RBFOX1: variants seen among roughly 807,000 people sequenced by gnomAD.
RBFOX1 encodes RNA binding fox-1 homolog 1.
RBFOX1 carries 8 observed loss-of-function variants against 57.7 expected under a neutral mutation model. The ratio of observed to expected loss-of-function variants is 0.14; its 90% CI spans 0.08 to 0.25. The LOEUF is 0.25. RBFOX1 is among the 10% of genes least tolerant of loss of function. The probability of loss-of-function intolerance (pLI) is 1.00; values close to 1 mark genes in which losing one functional copy is unlikely to be tolerated. For missense variants in RBFOX1, 611 were observed against 548.5 expected, an observed-to-expected ratio of 1.11 and a Z score of -1.14; for synonymous variants, 326 against 222.4, an observed-to-expected ratio of 1.47 and a Z score of -4.15.
intron 3 of RBFOX1, among the ~76,000 whole-genome samples, chr16:6,895,720 T>C (rs1405865369): frequency 6.6e-6 from 1 of 151,724 alleles, no homozygotes; most frequent in Admixed American, 6.6e-5. Flanking sequence ...ACTCATGTGA[T>C]TGCACAAAAG....
At chr16:7,079,473 A>G (rs1287253815) in intron 4 of RBFOX1, among the ~76,000 whole-genome samples, 2 of 152,218 alleles carry the variant, frequency 1.3e-5, no homozygotes, top group Non-Finnish European at 2.9e-5. Flanking sequence ...AGCACAAGCA[A>G]GAATAGAGGG....
At chr16:5,778,350 C>T (rs534687390) in intron 3 of RBFOX1, among the ~76,000 whole-genome samples, 19 of 152,276 alleles carry the variant, frequency 1.2e-4, no homozygotes, top group African/African-American at 4.6e-4. Flanking sequence ...CAAGACAGGA[C>T]CCCCGACCTG....
intron 14 of RBFOX1, among the ~76,000 whole-genome samples, chr16:7,683,993 T>C (rs2146940837): frequency 6.6e-6 from 1 of 152,272 alleles, no homozygotes; most frequent in Admixed American, 6.5e-5. Flanking sequence ...CACTAGGTAG[T>C]ATACTATGGA....
rs113892779 is a variant in RBFOX1 at position 6,445,228 on chromosome 16, T to C, written c.-64+128171T>C. On this transcript the variant is annotated intron_variant, in intron 2 of 15. Coordinates refer to ENST00000550418, the MANE Select transcript of RBFOX1 (RefSeq NM_018723.4). ...TAAGTTTAGCCTGAGATTTTCTTCC[T>C]TTTTTTTATATATATAATTTTTTAT... Among the ~76,000 whole-genome samples, 282 of 148,954 alleles carry C rather than the reference T, an allele frequency of 1.9e-3. 2 individuals carry two copies. Among genetic ancestry groups the C allele is most frequent in the African/African-American group, 6.7e-3 (276 of 41,082 alleles).
At chr16:7,038,380 G>C (rs748620570) in intron 3 of RBFOX1, among the ~76,000 whole-genome samples, 5 of 152,146 alleles carry the variant, frequency 3.3e-5, no homozygotes, top group Non-Finnish European at 5.9e-5. Flanking sequence ...GAAACAAATA[G>C]AAATCATCTT....
intron 4 of RBFOX1, among the ~76,000 whole-genome samples, chr16:7,267,787 C>T (rs771178790): frequency 1.3e-5 from 2 of 151,530 alleles, no homozygotes; most frequent in Admixed American, 6.6e-5. Flanking sequence ...ACCTGGGAGG[C>T]GGAGGCTGCA....
At chr16:5,417,439 G>A (rs186694261) in intron 1 of RBFOX1, among the ~76,000 whole-genome samples, 1 of 152,306 alleles carries the variant, frequency 6.6e-6, no homozygotes, top group Admixed American at 6.5e-5. Context: ...CTGCAGATGA[G>A]TTAAGATTTT....
At chr16:6,203,648 A>G (rs1368833248) in intron 1 of RBFOX1, among the ~76,000 whole-genome samples, 1 of 152,182 alleles carries the variant, frequency 6.6e-6, no homozygotes, top group Non-Finnish European at 1.5e-5. Flanking sequence ...CCGCACACTT[A>G]TTGGGAGGGC....
At chr16:6,567,105 G>A (rs112659750) in intron 2 of RBFOX1, among the ~76,000 whole-genome samples, 1 of 152,134 alleles carries the variant, frequency 6.6e-6, no homozygotes, top group East Asian at 1.9e-4. Context: ...TATTAAATGA[G>A]CAGGCTGTCC....
At chr16:6,794,510 A>G (rs139739852) in intron 3 of RBFOX1, among the ~76,000 whole-genome samples, 7 of 152,226 alleles carry the variant, frequency 4.6e-5, no homozygotes, top group South Asian at 2.1e-4. Flanking sequence ...ATGACTACAT[A>G]TGGTCATTTT....
chr16:6,465,804 A>G (rs181303447), intron 2 of RBFOX1, among the ~76,000 whole-genome samples: 6 of 151,540 alleles, frequency 4.0e-5, no homozygotes, highest in Non-Finnish European at 8.8e-5. Context: ...AAGAAATGCT[A>G]ACTGTTGATT....
At chr16:5,316,496 C>A (rs981109044) in intron 1 of RBFOX1, among the ~76,000 whole-genome samples, 3 of 152,184 alleles carry the variant, frequency 2.0e-5, no homozygotes, top group Admixed American at 1.3e-4. Context: ...GAGAACACCC[C>A]CTCCACAACG....
At chr16:6,445,975 A>C (rs200043345) in intron 2 of RBFOX1, among the ~76,000 whole-genome samples, 1 of 105,650 alleles carries the variant, frequency 9.5e-6, no homozygotes, top group Non-Finnish European at 2.0e-5. Context: ...ATTTTTTTTT[A>C]TTTTTTAGGG....
chr16:6,764,781 A>G (rs1243787785), intron 3 of RBFOX1, among the ~76,000 whole-genome samples: 1 of 152,042 alleles, frequency 6.6e-6, no homozygotes, highest in Non-Finnish European at 1.5e-5. Flanking sequence ...TACCAAAAAT[A>G]TAAAAATTAG....
At chr16:6,974,860 C>T (rs1400709327) in intron 3 of RBFOX1, among the ~76,000 whole-genome samples, 1 of 152,052 alleles carries the variant, frequency 6.6e-6, no homozygotes, top group African/African-American at 2.4e-5. Flanking sequence ...ATTCAGTGCT[C>T]CCTGGAAGGT....
intron 1 of RBFOX1, among the ~76,000 whole-genome samples, chr16:6,314,463 C>T (rs139270733): frequency 2.6e-5 from 4 of 152,248 alleles, no homozygotes; most frequent in Non-Finnish European, 2.9e-5. Context: ...ACAGAGAGCA[C>T]GCTTGGGTAG....
At chr16:5,572,253 A>T (rs2046307470) in intron 2 of RBFOX1, among the ~76,000 whole-genome samples, 1 of 152,196 alleles carries the variant, frequency 6.6e-6, no homozygotes, top group Non-Finnish European at 1.5e-5. Flanking sequence ...TCTGGGAAGC[A>T]TCCAGCCATT....
intron 1 of RBFOX1, among the ~76,000 whole-genome samples, chr16:6,217,609 C>T (rs2097344299): frequency 6.6e-6 from 1 of 152,198 alleles, no homozygotes; most frequent in Non-Finnish European, 1.5e-5. Flanking sequence ...CATCGTGGTG[C>T]ATCACTTTGC....
intron 1 of RBFOX1, among the ~76,000 whole-genome samples, chr16:5,338,065 T>G (rs769421885): frequency 6.6e-6 from 1 of 152,000 alleles, no homozygotes; most frequent in Non-Finnish European, 1.5e-5. Context: ...AGAAAATAAT[T>G]TATAGCTTTC....
Sources: gnomAD v4.1 joint callset for allele counts (sites outside exome capture counted in the v4.1 genomes callset) on GRCh38, gnomAD v4.1.1 for gene constraint, MANE v1.5 for transcripts, NCBI Gene and HGNC (gene_info 2026-07-23, HGNC 2026-07-21) for gene names.